Variants in HMCN2 observed in about 807,000 individuals in gnomAD.
The protein encoded by HMCN2 is hemicentin 2.
Under a neutral mutation model 377.5 loss-of-function variants are expected in HMCN2, and 325 were observed. The ratio of observed to expected loss-of-function variants is 0.86; its 90% CI spans 0.79 to 0.94. HMCN2 has a LOEUF of 0.94. Ranked by LOEUF, HMCN2 falls within the 40% of genes least tolerant of loss-of-function variation. The probability of loss-of-function intolerance (pLI) is 0.00; values close to 1 mark genes in which losing one functional copy is unlikely to be tolerated. For synonymous variants in HMCN2, 2,007 were observed against 2,046.8 expected (o/e 0.98, Z 0.53); for missense variants, 4,543 against 4,725.3 (o/e 0.96, Z 1.13).
intron 76 of HMCN2, chr9:130,400,451 C>T (rs940355165): frequency 6.0e-6 from 1 of 165,568 alleles, no homozygotes; most frequent in African/African-American, 2.4e-5. Context: ...GAAGGGTGAA[C>T]CTGCCCAGGT....
chr9:130,365,907 C>T lies in HMCN2; in HGVS notation c.6537C>T (p.His2179=). The T allele has an allele frequency of 1.0e-6, 1 of 985,796 alleles. No individual in the cohort carries two copies. Among genetic ancestry groups the T allele is most frequent in the Non-Finnish European group, 1.2e-6 (1 of 829,884 alleles). The allele number at this position is 985,796 out of a possible 1,614,324, so 61.1% of individuals were successfully genotyped here. ...CAGTGTTCCCCTTGAGGGAATCCCA[C>T]ACCCTGACTGTGAGAGAGGGGCACC... The part of the protein sequence containing the change: ...VAPVFPLRES[H]TLTVREGHPT... Residue 2179 remains histidine, a synonymous_variant, in exon 43 of 98, where the codon CAC becomes CAT. Transcript: ENST00000683500.
rs374591103 is a variant in HMCN2 at position 130,271,055 on chromosome 9, TG to T, written c.259+4919del. Among the ~76,000 whole-genome samples the T allele has an allele frequency of 2.6e-3, 391 of 149,218 alleles. 13 individuals are homozygous for T. Among genetic ancestry groups the T allele is most frequent in the African/African-American group, 8.7e-3 (361 of 41,340 alleles). On this transcript the variant is annotated intron_variant, in intron 1 of 97. Transcript: ENST00000683500. ...TTTCCCTCAGTCATTATTTGTCTAATGTTTTTTTTCCAGTTAGACTGGGTAA... is the reference window on the plus strand; with the variant it reads ...TTTCCCTCAGTCATTATTTGTCTAATTTTTTTTTCCAGTTAGACTGGGTAA...
At chr9:130,332,863 C>T (rs1446625183) in intron 22 of HMCN2, among the ~76,000 whole-genome samples, 2 of 152,352 alleles carry the variant, frequency 1.3e-5, no homozygotes, top group Non-Finnish European at 2.9e-5. Context: ...GAGAACCAGC[C>T]GTGCAGCAGG....
At chr9:130,345,605 AGTGTGGT>A (rs1280030559) in intron 25 of HMCN2, among the ~76,000 whole-genome samples, 177 of 111,860 alleles carry the variant, frequency 1.6e-3, no homozygotes, top group African/African-American at 5.6e-3. Flanking sequence ...TCGTGTGTGT[AGTGTGGT>A]GTGTGGTGTG....
Position 130,369,587 on chromosome 9 carries a change from G to A in HMCN2, c.6805G>A (p.Gly2269Ser), listed in dbSNP as rs76661986. The A allele has an allele frequency of 4.1e-4, 400 of 985,748 alleles. 3 individuals carry two copies. In the East Asian group the frequency reaches 0.024, roughly 60 times the overall value. The allele number at this position is 985,748 out of a possible 1,614,324, so 61.1% of individuals were successfully genotyped here. The change falls in exon 45 of 98, where the codon GGT (glycine) becomes AGT (serine). Residue 2269 changes from glycine to serine, a missense_variant. Physicochemically the swap from Gly to Ser is moderately conservative, Grantham distance 56 (BLOSUM62 0). Transcript: ENST00000683500. The surrounding 1 kb of genome is among the most constrained non-coding windows in gnomAD (Gnocchi z 4.5). ...CCCAACAGTTCCCCCTCAGATTGCC[G>A]GTCCCCGGGAGCCTCCCACACAAGT... ...LEVHVPPQIA[G>S]PREPPTQVSV... is the part of the protein sequence containing the mutation.
At chr9:130,348,958 G>A (rs1164681152) in intron 27 of HMCN2, 26 bp from the exon 28 acceptor site, 2 of 1,298,798 alleles carry the variant, frequency 1.5e-6, no homozygotes, top group Non-Finnish European at 2.0e-6. Flanking sequence ...CCCTCTTACT[G>A]GCTCCCTCTG....
chr9:130,279,224 G>T (rs1834976824), intron 1 of HMCN2, among the ~76,000 whole-genome samples: 1 of 152,232 alleles, frequency 6.6e-6, no homozygotes, highest in Non-Finnish European at 1.5e-5. Flanking sequence ...GTCACTGCAT[G>T]CGTGATGTAT....
chr9:130,427,221 C>A, intron 90 of HMCN2, 92 bp from the exon 91 acceptor site: 3 of 1,324,742 alleles, frequency 2.3e-6, no homozygotes, highest in Non-Finnish European at 2.1e-6. Context: ...GCTAAGCTGG[C>A]AGTGGGGGAG....
At position 130,362,351 on chromosome 9, in the gene HMCN2, A is replaced by G. The variant is rs145654283; in HGVS notation, c.6108+186A>G. ...CTGCCCAATGGTAACGATACATTCC[A>G]TGAACATGAACCACCTACATCATTG... On this transcript the variant is annotated intron_variant, in intron 39 of 97. Coordinates refer to ENST00000683500, the MANE Select transcript of HMCN2 (RefSeq NM_001291815.2). Among the ~76,000 whole-genome samples, 398 of 152,348 alleles carry G rather than the reference A, an allele frequency of 2.6e-3. 2 individuals are homozygous for G. Among genetic ancestry groups the G allele is most frequent in the African/African-American group, 8.6e-3 (356 of 41,586 alleles).
intron 1 of HMCN2, among the ~76,000 whole-genome samples, chr9:130,282,609 G>A (rs532929600): frequency 8.5e-5 from 13 of 152,318 alleles, no homozygotes; most frequent in African/African-American, 2.2e-4. Flanking sequence ...CCGGGGCCAC[G>A]GGGGAAGCTG....
At chr9:130,421,887 C>A (rs1844036322) in intron 86 of HMCN2, among the ~76,000 whole-genome samples, 1 of 152,198 alleles carries the variant, frequency 6.6e-6, no homozygotes. Flanking sequence ...TGCTAATTTC[C>A]CCTGAGAGCT....
intron 4 of HMCN2, among the ~76,000 whole-genome samples, chr9:130,290,540 G>A (rs1554929685): frequency 2.6e-5 from 4 of 152,306 alleles, no homozygotes; most frequent in African/African-American, 4.8e-5. Flanking sequence ...GGAAGGGGAC[G>A]GTGGTAACGG....
At chr9:130,380,756 C>T (rs1417696237) in intron 54 of HMCN2, among the ~76,000 whole-genome samples, 2 of 150,286 alleles carry the variant, frequency 1.3e-5, no homozygotes, top group Non-Finnish European at 2.9e-5. Flanking sequence ...CACTGCACTC[C>T]AGCCTGAGTG....
chr9:130,340,121 T>A (rs1219000215), intron 23 of HMCN2, among the ~76,000 whole-genome samples: 2 of 152,216 alleles, frequency 1.3e-5, no homozygotes, highest in Non-Finnish European at 2.9e-5. Flanking sequence ...ATGGATGGCA[T>A]CACTTGCCAT....
In HMCN2 at chr9:130,395,242, C is replaced by A. The variant is rs1236870369; in HGVS notation, c.10806C>A (p.Pro3602=). 7.8e-7 allele frequency: 1 copy of A among 1,289,416 alleles called. No individual in the cohort carries two copies. The highest frequency in any genetic ancestry group is 1.5e-5 in the African/African-American group (1 of 65,966). The allele number at this position is 1,289,416 out of a possible 1,614,324, so 79.9% of individuals were successfully genotyped here. The change falls in exon 71 of 98, where the codon CCC becomes CCA. Residue 3602 remains proline (P), a synonymous_variant. Coordinates refer to ENST00000683500, the MANE Select transcript of HMCN2 (RefSeq NM_001291815.2). ...CAAACATTGTTGGGCCCCGAGGCCC[C>A]CGCTTTGTGGTCGGCCTGGCCCCAG... ...APPNIVGPRG[P]RFVVGLAPGQ... is the part of the protein sequence containing the mutation.
At position 130,379,404 on chromosome 9, in the gene HMCN2, G is replaced by A. The variant is rs776702118; in HGVS notation, c.8368G>A (p.Asp2790Asn). The change falls in exon 54 of 98, where the codon GAC (aspartate) becomes AAC (asparagine). Residue 2790 changes from aspartate (D) to asparagine (N), a missense_variant. Asp to Asn is a conservative substitution (Grantham distance 23). Coordinates refer to ENST00000683500, the MANE Select transcript of HMCN2 (RefSeq NM_001291815.2). ...YCDTNAIPPP[D>N]LTWYREDQPL... The stretch of plus-strand genomic sequence containing the variant: ...CGACACCAACGCGATCCCACCCCCG[G>A]ACCTCACCTGGTACAGAGAGGATCA... 92 of 985,750 alleles carry A rather than the reference G, an allele frequency of 9.3e-5. No individual in the cohort carries two copies. Among genetic ancestry groups the A allele is most frequent in the Non-Finnish European group, 1.1e-4 (88 of 829,964 alleles). 61.1% of individuals were successfully genotyped at this position (985,750 alleles called of 1,614,324 possible).
chr9:130,298,622 G>A (rs148298281), intron 7 of HMCN2, among the ~76,000 whole-genome samples: 199 of 152,254 alleles, frequency 1.3e-3, no homozygotes, highest in African/African-American at 4.4e-3. Flanking sequence ...ACCTGAACAC[G>A]GGGAGAGTCT....
At position 130,384,553 on chromosome 9, in the gene HMCN2, C is replaced by G; in HGVS notation, c.8992+19C>G. ...CTGCCTGGTGGGTAAACTGAGGTGTCCGGCCCAGCTCTAAGGTTACATGGG... is the reference window on the plus strand; with the variant it reads ...CTGCCTGGTGGGTAAACTGAGGTGTGCGGCCCAGCTCTAAGGTTACATGGG... On this transcript the variant is annotated intron_variant, in intron 58 of 97. Transcript: ENST00000683500. 2.3e-6 allele frequency: 3 copies of G among 1,304,202 alleles called. No homozygotes were observed. The highest frequency in any genetic ancestry group is 3.0e-6 in the Non-Finnish European group (3 of 988,934). The allele number at this position is 1,304,202 out of a possible 1,614,324, so 80.8% of individuals were successfully genotyped here.
At chr9:130,311,734 CAA>C (rs1262126530) in intron 15 of HMCN2, among the ~76,000 whole-genome samples, 2 of 152,120 alleles carry the variant, frequency 1.3e-5, no homozygotes, top group Admixed American at 1.3e-4. Context: ...CTCCCCGTGA[CAA>C]GAGAAGTGAG....
Sources: allele counts gnomAD v4.1 joint callset (sites outside exome capture counted in the v4.1 genomes callset), GRCh38; gene constraint gnomAD v4.1.1; non-coding constraint Gnocchi (gnomAD v3.1); transcripts MANE v1.5; gene names NCBI Gene and HGNC (gene_info 2026-07-23, HGNC 2026-07-21).